Variants in PDXK observed in about 807,000 individuals in gnomAD.
The protein encoded by PDXK is epididymis secretory sperm binding protein Li 1a.
In PDXK, 15 loss-of-function variants were observed where a neutral mutation model predicts 43.2. The observed-to-expected ratio is 0.35, with a 90% CI of 0.23 to 0.53. PDXK has a LOEUF of 0.53. Among genes scored for constraint, PDXK ranks in the 20% least tolerant of loss-of-function variants. The probability of loss-of-function intolerance (pLI) is 0.92; values close to 1 mark genes in which losing one functional copy is unlikely to be tolerated. For missense variants in PDXK, 343 were observed against 417.0 expected (o/e 0.82, Z 1.54); for synonymous variants, 172 against 165.4 (o/e 1.04, Z -0.31).
intron 5 of PDXK, chr21:43,747,297 T>C (rs2083655019): frequency 6.6e-6 from 1 of 152,286 alleles, no homozygotes; most frequent in Non-Finnish European, 1.5e-5. Flanking sequence ...CCAAAGGTGA[T>C]CCTGCCTGTG....
chr21:43,738,848 G>C (rs2083446769), intron 2 of PDXK: 1 of 152,334 alleles, frequency 6.6e-6, no homozygotes, highest in South Asian at 2.1e-4. Context: ...TCAATAAATA[G>C]CGTGGAGACC....
intron 2 of PDXK, chr21:43,741,150 GGGCGGGGGGCTC>G (rs1318356306): frequency 3.3e-4 from 6 of 18,148 alleles, no homozygotes; most frequent in African/African-American, 2.1e-3. Flanking sequence ...GACAGTGCAG[GGGCGGGGGGCTC>G]GCGGGGGGGC....
chr21:43,750,781 T>TGG (rs1478749722), intron 7 of PDXK, among the ~76,000 whole-genome samples: 8 of 54,172 alleles, frequency 1.5e-4, no homozygotes, highest in South Asian at 5.3e-4. Flanking sequence ...GTATTGTGTG[T>TGG]GGGTGTGTGT....
intron 8 of PDXK, among the ~76,000 whole-genome samples, chr21:43,753,330 T>C (rs1174033658): frequency 6.6e-6 from 1 of 152,094 alleles, no homozygotes; most frequent in African/African-American, 2.4e-5. Flanking sequence ...CCGTCGTTAC[T>C]CTCGGGAGTT....
At chr21:43,743,345 C>T (rs1601817987) in intron 3 of PDXK, among the ~76,000 whole-genome samples, 3 of 78,030 alleles carry the variant, frequency 3.8e-5, no homozygotes, top group South Asian at 5.7e-4. Flanking sequence ...GACACCTCGC[C>T]TGCACCCACC....
intron 6 of PDXK, among the ~76,000 whole-genome samples, chr21:43,749,738 A>C (rs2083701596): frequency 6.6e-6 from 1 of 151,490 alleles, no homozygotes; most frequent in Non-Finnish European, 1.5e-5. Context: ...CGACCTGGGG[A>C]GCTGTGGGCT....
chr21:43,729,176 A>G (rs564633187), intron 1 of PDXK, among the ~76,000 whole-genome samples: 2 of 152,096 alleles, frequency 1.3e-5, no homozygotes, highest in Admixed American at 1.3e-4. Context: ...ACCTTGCGGT[A>G]GAGGCTGAGC....
intron 1 of PDXK, among the ~76,000 whole-genome samples, chr21:43,729,980 A>G (rs2083297294): frequency 6.6e-6 from 1 of 151,518 alleles, no homozygotes. Context: ...AAAAAACAAA[A>G]AACAAAAAAT....
Position 43,732,223 on chromosome 21 carries a change from G to A in PDXK, c.88-1846G>A. 3 of 1,451,986 alleles carry A rather than the reference G, an allele frequency of 2.1e-6. No individual in the cohort carries two copies. Among genetic ancestry groups the A allele is most frequent in the Non-Finnish European group, 2.7e-6 (3 of 1,107,822 alleles). The allele number at this position is 1,451,986 out of a possible 1,614,324, so 89.9% of individuals were successfully genotyped here. A position where few individuals can be genotyped will look rare whatever the true frequency, so the allele number is the denominator to read the frequency against. On this transcript the variant is annotated intron_variant, in intron 1 of 10. Transcript: ENST00000291565. The surrounding 1 kb of genome is among the most constrained non-coding windows in gnomAD (Gnocchi z 4.1). ...CAGAGATGCCAATTCCAGAGGCATG[G>A]TCCGGCACAGAGCGCTGGCTTCCAG...
Position 43,732,904 on chromosome 21 carries a change from G to A in PDXK, c.88-1165G>A, listed in dbSNP as rs2083339049. On this transcript the variant is annotated intron_variant, in intron 1 of 10. Coordinates refer to ENST00000291565, the MANE Select transcript of PDXK (RefSeq NM_003681.5). The surrounding 1 kb of genome is among the most constrained non-coding windows in gnomAD (Gnocchi z 4.1). ...TGGGACTACAGACATGTGCCACCAC[G>A]CCCGGCTAATTTCTGTATTTTTTGT... is the stretch of plus-strand genomic sequence containing the variant. 6.6e-6 allele frequency among the ~76,000 whole-genome samples: 1 copy of A among 151,904 alleles called. No homozygotes were observed. The highest frequency in any genetic ancestry group is 2.4e-5 in the African/African-American group (1 of 41,320).
At chr21:43,729,949 AAG>A (rs1220719604) in intron 1 of PDXK, among the ~76,000 whole-genome samples, 1 of 152,054 alleles carries the variant, frequency 6.6e-6, no homozygotes, top group Non-Finnish European at 1.5e-5. Flanking sequence ...GTCTCAAAAA[AAG>A]AAAACCAAAA....
chr21:43,741,612 A>G (rs937301355), intron 2 of PDXK, 55 bp from the exon 3 acceptor site: 36 of 1,593,940 alleles, frequency 2.3e-5, no homozygotes, highest in Non-Finnish European at 3.0e-5. Context: ...AGGGAAGCCC[A>G]CGGCCCCAGC....
At position 43,732,334 on chromosome 21, in the gene PDXK, A is replaced by G; in HGVS notation, c.88-1735A>G. ...GACCTTGGCACCCCGCCCCCCGTGC[A>G]TTGTCGTCTTCTGAGTCTGGCTTTG... is the stretch of plus-strand genomic sequence containing the variant. On this transcript the variant is annotated intron_variant, in intron 1 of 10. Transcript: ENST00000291565. The surrounding 1 kb of genome is among the most constrained non-coding windows in gnomAD (Gnocchi z 4.1). The G allele has an allele frequency of 3.7e-6, 6 of 1,605,490 alleles. No individual in the cohort carries two copies. The highest frequency in any genetic ancestry group is 1.1e-5 in the South Asian group (1 of 90,678).
At chr21:43,719,973 G>A in intron 1 of PDXK, 2 of 948,370 alleles carry the variant, frequency 2.1e-6, no homozygotes, top group Non-Finnish European at 2.5e-6. Context: ...TGGGGCAGGG[G>A]CTGCTCTGCA....
chr21:43,729,244 T>A (rs926668964), intron 1 of PDXK, among the ~76,000 whole-genome samples: 21 of 152,220 alleles, frequency 1.4e-4, no homozygotes, highest in African/African-American at 4.8e-4. Flanking sequence ...GTGGCAGCAG[T>A]GGGTTTGTCA....
chr21:43,749,738 A>G (rs2083701596), intron 6 of PDXK, among the ~76,000 whole-genome samples: 1 of 151,490 alleles, frequency 6.6e-6, no homozygotes, highest in African/African-American at 2.4e-5. Flanking sequence ...CGACCTGGGG[A>G]GCTGTGGGCT....
chr21:43,745,474 G>A (rs1035508762), intron 4 of PDXK, among the ~76,000 whole-genome samples: 3 of 151,994 alleles, frequency 2.0e-5, no homozygotes, highest in African/African-American at 7.3e-5. Context: ...TAAGGCAGGG[G>A]GAGTGGGGCG....
rs1278825041 is a variant in PDXK at position 43,736,471 on chromosome 21, G to T, written c.142+2348G>T. On this transcript the variant is annotated intron_variant, in intron 2 of 10. Transcript: ENST00000291565. ...GCCGTTTCCACTTTTTGGCTGTTGG[G>T]GTCATGCTGCCATGAACGTTTGTCT... is the stretch of plus-strand genomic sequence containing the variant. Among the ~76,000 whole-genome samples the T allele has an allele frequency of 2.0e-5, 3 of 152,290 alleles. No individual in the cohort carries two copies. The East Asian group carries it at 5.8e-4, about 29-fold the overall frequency.
At chr21:43,741,587 A>T in intron 2 of PDXK, 80 bp from the exon 3 acceptor site, 1 of 1,575,086 alleles carries the variant, frequency 6.3e-7, no homozygotes, top group East Asian at 2.3e-5. Flanking sequence ...CCTCAGGGAG[A>T]GTGGGCGGGT....
Sources: gnomAD v4.1 joint callset for allele counts (sites outside exome capture counted in the v4.1 genomes callset) on GRCh38, gnomAD v4.1.1 for gene constraint, Gnocchi (gnomAD v3.1) non-coding constraint, MANE v1.5 for transcripts, NCBI Gene and HGNC (gene_info 2026-07-23, HGNC 2026-07-21) for gene names.